CFAP144: variants seen among roughly 807,000 people sequenced by gnomAD.
The protein encoded by CFAP144 is cilia and flagella associated protein 144, also known as cilia- and flagella-associated protein 144.
At chr1:43,149,225 A>G in the CFAP144 span, among the ~76,000 whole-genome samples, 1 of 152,158 alleles carries the variant, frequency 6.6e-6, no homozygotes, top group Non-Finnish European at 1.5e-5. Context: ...CATAAGGCGC[A>G]TTGGATCTGG....
the CFAP144 span, among the ~76,000 whole-genome samples, chr1:43,149,036 G>C: frequency 1.3e-5 from 2 of 152,022 alleles, no homozygotes; most frequent in East Asian, 3.9e-4. Context: ...AGTCCTTGCC[G>C]CCTGGATTGG....
the CFAP144 span, chr1:43,156,208 C>T: frequency 6.2e-6 from 10 of 1,613,606 alleles, no homozygotes; most frequent in Non-Finnish European, 8.5e-6. Context: ...CTTTCTAGAT[C>T]AACCCAGAAC....
the CFAP144 span, among the ~76,000 whole-genome samples, chr1:43,155,548 G>C: frequency 6.6e-6 from 1 of 152,216 alleles, no homozygotes; most frequent in Admixed American, 6.5e-5. Flanking sequence ...CATCACAAGA[G>C]CACTGCTAGC....
chr1:43,143,277 G>GCAAT, the CFAP144 span, among the ~76,000 whole-genome samples: 51 of 152,282 alleles, frequency 3.3e-4, 1 homozygote, highest in African/African-American at 1.2e-3. Flanking sequence ...TACACAGGAA[G>GCAAT]CAATGTCCTC....
chr1:43,154,062 GTATATATATATATATATATATA>G, the CFAP144 span, among the ~76,000 whole-genome samples: 104 of 83,666 alleles, frequency 1.2e-3, no homozygotes, highest in East Asian at 0.043. Context: ...ATATGTGTGT[GTATATATATATATATATATATA>G]TATATATATA....
the CFAP144 span, among the ~76,000 whole-genome samples, chr1:43,152,182 C>T: frequency 1.3e-5 from 2 of 152,164 alleles, no homozygotes; most frequent in Admixed American, 1.3e-4. Context: ...TGCGTCTCTC[C>T]GGTGGAGACT....
At chr1:43,154,062 GTATA>G in the CFAP144 span, among the ~76,000 whole-genome samples, 14,668 of 83,312 alleles carry the variant, frequency 0.18, 1,079 homozygotes, top group Non-Finnish European at 0.2. Flanking sequence ...ATATGTGTGT[GTATA>G]TATATATATA....
At chr1:43,144,196 A>G in the CFAP144 span, among the ~76,000 whole-genome samples, 1 of 152,188 alleles carries the variant, frequency 6.6e-6, no homozygotes. Context: ...TATCCCAAAA[A>G]CAAGGATTAA....
chr1:43,150,952 A>G, the CFAP144 span: 2 of 694,892 alleles, frequency 2.9e-6, no homozygotes, highest in African/African-American at 3.6e-5. Context: ...AATGGGACTC[A>G]TACTAACCAA....
the CFAP144 span, chr1:43,152,978 A>G: frequency 3.3e-5 from 52 of 1,573,922 alleles, no homozygotes; most frequent in Non-Finnish European, 4.0e-5. Flanking sequence ...CACAGCAGCA[A>G]TGTAAGTGGT....
the CFAP144 span, chr1:43,153,001 G>A: frequency 3.5e-5 from 54 of 1,532,374 alleles, no homozygotes; most frequent in Middle Eastern, 1.7e-4. Flanking sequence ...CCGTAGAATA[G>A]AGCAGGGGGC....
the CFAP144 span, chr1:43,156,211 CCCAGAACG>C: frequency 6.2e-7 from 1 of 1,613,872 alleles, no homozygotes; most frequent in Non-Finnish European, 8.5e-7. Context: ...TCTAGATCAA[CCCAGAACG>C]CCATGACCGC....
chr1:43,150,142 C>T, the CFAP144 span, among the ~76,000 whole-genome samples: 1 of 152,236 alleles, frequency 6.6e-6, no homozygotes, highest in Non-Finnish European at 1.5e-5. Context: ...TTCTCTATCA[C>T]ACTTACATTT....
At chr1:43,155,773 C>G in the CFAP144 span, among the ~76,000 whole-genome samples, 3 of 152,224 alleles carry the variant, frequency 2.0e-5, no homozygotes, top group African/African-American at 7.2e-5. Context: ...GACTCAATGA[C>G]CATCATTCAG....
chr1:43,148,132 G>A, the CFAP144 span: 11 of 1,589,582 alleles, frequency 6.9e-6, no homozygotes, highest in Non-Finnish European at 8.6e-6. Flanking sequence ...GGAGGGCGCC[G>A]GGGAAGGAGG....
At chr1:43,146,080 A>G in the CFAP144 span, among the ~76,000 whole-genome samples, 1 of 152,190 alleles carries the variant, frequency 6.6e-6, no homozygotes, top group East Asian at 1.9e-4. Context: ...TCGAAAACCA[A>G]TTTCAGGTGG....
the CFAP144 span, among the ~76,000 whole-genome samples, chr1:43,146,631 G>A: frequency 1.3e-5 from 2 of 152,118 alleles, no homozygotes; most frequent in Non-Finnish European, 2.9e-5. Flanking sequence ...AATATATTAA[G>A]AACTCCAACA....
chr1:43,151,682 T>C, the CFAP144 span, among the ~76,000 whole-genome samples: 1 of 152,198 alleles, frequency 6.6e-6, no homozygotes, highest in South Asian at 2.1e-4. Context: ...GTGGAAAACC[T>C]GATCCCTCTT....
At chr1:43,155,382 G>A in the CFAP144 span, among the ~76,000 whole-genome samples, 1,236 of 152,308 alleles carry the variant, frequency 8.1e-3, 7 homozygotes, top group Non-Finnish European at 0.012. Flanking sequence ...GCAGGCTTAC[G>A]ATGACAGGAA....
Sources: gnomAD v4.1 joint callset for allele counts (sites outside exome capture counted in the v4.1 genomes callset) on GRCh38, gnomAD v4.1.1 for gene constraint, MANE v1.5 for transcripts, NCBI Gene and HGNC (gene_info 2026-07-23, HGNC 2026-07-21) for gene names.